The following SSBP3 variants were observed in gnomAD, a reference collection of about 807,000 sequenced individuals.
SSBP3 encodes the protein single stranded DNA binding protein 3.
In SSBP3, 5 loss-of-function variants were observed where a neutral mutation model predicts 69.6. That is an observed-to-expected ratio of 0.07 (90% CI 0.04 to 0.15). The LOEUF (loss-of-function observed/expected upper bound fraction) is 0.15. SSBP3 is among the 10% of genes least tolerant of loss of function. The pLI is 1.00. For missense variants in SSBP3, 312 were observed against 534.0 expected (o/e 0.58, Z 4.10); for synonymous variants, 196 against 193.4 (o/e 1.01, Z -0.11).
intron 4 of SSBP3, among the ~76,000 whole-genome samples, chr1:54,357,365 G>A (rs910550238): frequency 5.9e-5 from 9 of 152,274 alleles, no homozygotes; most frequent in Non-Finnish European, 1.3e-4. Context: ...TACAAAGTCA[G>A]GCAGGCAGGA....
chr1:54,246,095 G>C (rs550319798), intron 9 of SSBP3, among the ~76,000 whole-genome samples: 1 of 152,244 alleles, frequency 6.6e-6, no homozygotes, highest in Admixed American at 6.5e-5. Context: ...CTATAAAATG[G>C]GGACAAAGAG....
intron 4 of SSBP3, among the ~76,000 whole-genome samples, chr1:54,343,670 A>G (rs1003126684): frequency 4.6e-5 from 7 of 152,220 alleles, no homozygotes; most frequent in Non-Finnish European, 7.3e-5. Context: ...AATGAATTTC[A>G]GTCTCCCAGG....
At chr1:54,239,235 T>G (rs771494482) in intron 13 of SSBP3, 36 bp from the exon 14 acceptor site, 5 of 1,540,384 alleles carry the variant, frequency 3.2e-6, no homozygotes, top group Non-Finnish European at 4.4e-6. Context: ...TCGGGGTGAT[T>G]AATTCGTTTC....
At chr1:54,274,018 T>C (rs1459822066) in intron 5 of SSBP3, among the ~76,000 whole-genome samples, 1 of 152,202 alleles carries the variant, frequency 6.6e-6, no homozygotes, top group Non-Finnish European at 1.5e-5. Context: ...GCGGAGGAGC[T>C]GGAGGGGGTG....
chr1:54,410,820 A>G (rs565246752), upstream of SSBP3, among the ~76,000 whole-genome samples: 1 of 152,326 alleles, frequency 6.6e-6, no homozygotes, highest in East Asian at 1.9e-4. Flanking sequence ...GGAATCGCCT[A>G]CTAGGCTATT....
At chr1:54,331,542 TC>T (rs1376435052) in intron 4 of SSBP3, among the ~76,000 whole-genome samples, 1 of 152,218 alleles carries the variant, frequency 6.6e-6, no homozygotes, top group Non-Finnish European at 1.5e-5. Flanking sequence ...ACACCTGTGA[TC>T]TACTGTGCAT....
chr1:54,254,278 G>T (rs1056624232), intron 7 of SSBP3, among the ~76,000 whole-genome samples: 1 of 152,176 alleles, frequency 6.6e-6, no homozygotes, highest in Non-Finnish European at 1.5e-5. Flanking sequence ...ACAAATCCCT[G>T]CTGCATCCGC....
intron 4 of SSBP3, among the ~76,000 whole-genome samples, chr1:54,295,343 T>G (rs1645686279): frequency 6.6e-6 from 1 of 152,156 alleles, no homozygotes; most frequent in African/African-American, 2.4e-5. Context: ...AACTCCCAGT[T>G]ATCCATCAAT....
chr1:54,263,525 T>C (rs1330895226), intron 5 of SSBP3, among the ~76,000 whole-genome samples: 1 of 152,190 alleles, frequency 6.6e-6, no homozygotes, highest in Non-Finnish European at 1.5e-5. Context: ...GGGTCCCCAG[T>C]CCTGGTCCCC....
At chr1:54,229,414 G>A (rs578055824) in intron 14 of SSBP3, among the ~76,000 whole-genome samples, 64 of 152,324 alleles carry the variant, frequency 4.2e-4, no homozygotes, top group Admixed American at 8.5e-4. Context: ...CTGGGGCTGG[G>A]CGGTGAGAAG....
chr1:54,375,339 C>T (rs1230536672), intron 4 of SSBP3, among the ~76,000 whole-genome samples: 1 of 114,262 alleles, frequency 8.8e-6, no homozygotes, highest in Non-Finnish European at 1.7e-5. Flanking sequence ...GATCACACTG[C>T]ATGCATGCAT....
chr1:54,371,496 C>A (rs944948647), intron 4 of SSBP3, among the ~76,000 whole-genome samples: 3 of 152,166 alleles, frequency 2.0e-5, no homozygotes, highest in African/African-American at 7.2e-5. Flanking sequence ...TACTGTGACA[C>A]GGGCACAGGA....
intron 4 of SSBP3, among the ~76,000 whole-genome samples, chr1:54,311,614 G>A (rs77745499): frequency 6.6e-6 from 1 of 152,270 alleles, no homozygotes; most frequent in East Asian, 1.9e-4. Context: ...CCAAGGGTAA[G>A]ACACCCATAG....
intron 7 of SSBP3, among the ~76,000 whole-genome samples, chr1:54,252,700 A>G (rs1449000672): frequency 1.3e-5 from 2 of 152,254 alleles, no homozygotes; most frequent in Non-Finnish European, 2.9e-5. Flanking sequence ...GTGAAACCCT[A>G]TGAAAAGCAA....
intron 14 of SSBP3, chr1:54,238,925 C>G: frequency 8.6e-5 from 33 of 382,966 alleles, no homozygotes; most frequent in Middle Eastern, 9.2e-4. Context: ...TGGGCATCGT[C>G]CCACCCCTTC....
intron 4 of SSBP3, among the ~76,000 whole-genome samples, chr1:54,390,749 C>T (rs906691264): frequency 1.3e-5 from 2 of 152,248 alleles, no homozygotes; most frequent in Non-Finnish European, 2.9e-5. Context: ...GCGCGGAGAT[C>T]GTGGAGAGCC....
rs553040722 is a variant in SSBP3 at position 54,227,187 on chromosome 1, G to T, written c.1138-27C>A. On this transcript the variant is annotated intron_variant, in intron 17 of 17. Coordinates refer to ENST00000610401, the Ensembl canonical transcript of SSBP3. ...TGGAAAGGAGAAGCAGAGAAGGGGG[G>T]GGGGTGAGGATTGTGGGGAGGCCGC... 75 of 1,145,864 alleles carry T rather than the reference G, an allele frequency of 6.5e-5. 8 individuals are homozygous for T. The highest frequency in any genetic ancestry group is 4.1e-4 in the Middle Eastern group (2 of 4,898). 71.0% of individuals were successfully genotyped at this position (1,145,864 alleles called of 1,614,324 possible).
At chr1:54,323,845 G>A (rs1356780230) in intron 4 of SSBP3, among the ~76,000 whole-genome samples, 3 of 152,068 alleles carry the variant, frequency 2.0e-5, no homozygotes, top group Admixed American at 1.3e-4. Context: ...CAAAAAAGAC[G>A]GTCTTCCTTT....
intron 5 of SSBP3, among the ~76,000 whole-genome samples, chr1:54,279,543 C>T (rs1395489956): frequency 6.6e-6 from 1 of 152,236 alleles, no homozygotes; most frequent in African/African-American, 2.4e-5. Context: ...CTGCACCGGA[C>T]ACCCAGATGC....
Sources: allele counts gnomAD v4.1 joint callset (sites outside exome capture counted in the v4.1 genomes callset), GRCh38; gene constraint gnomAD v4.1.1; transcripts MANE v1.5; gene names NCBI Gene and HGNC (gene_info 2026-07-23, HGNC 2026-07-21).